ANKRD13C: variants seen among roughly 807,000 people sequenced by gnomAD.
ANKRD13C encodes the protein ankyrin repeat domain-containing protein 13C.
In ANKRD13C, 16 loss-of-function variants were observed where a neutral mutation model predicts 65.5. That is an observed-to-expected ratio of 0.24 (90% CI 0.17 to 0.37). ANKRD13C has a LOEUF of 0.37. ANKRD13C is among the 10% of genes least tolerant of loss of function. The pLI is 1.00. For synonymous variants in ANKRD13C, 235 were observed against 238.7 expected, an observed-to-expected ratio of 0.98 and a Z score of 0.14; for missense variants, 503 against 655.9, an observed-to-expected ratio of 0.77 and a Z score of 2.55.
intron 1 of ANKRD13C, 22 bp downstream of exon 1, chr1:70,353,957 G>C: frequency 1.3e-6 from 2 of 1,500,380 alleles, no homozygotes; most frequent in Non-Finnish European, 1.8e-6. Context: ...GAGAGAGGTG[G>C]AGAGGGGCTA....
chr1:70,284,726 G>T (rs563235317), intron 9 of ANKRD13C, among the ~76,000 whole-genome samples: 15 of 152,256 alleles, frequency 9.9e-5, no homozygotes, highest in African/African-American at 3.6e-4. Context: ...AATGGGCAAT[G>T]GCACTCACCT....
Position 70,354,304 on chromosome 1 carries a change from G to A in ANKRD13C, c.105C>T (p.Gly35=). 1 of 1,613,808 alleles carries A rather than the reference G, an allele frequency of 6.2e-7. No homozygotes were observed. Among genetic ancestry groups the A allele is most frequent in the Non-Finnish European group, 8.5e-7 (1 of 1,179,992 alleles). ...PGDEEAAAAL[G]GTFTRSRIGK... is the part of the protein sequence containing the mutation. ...CAATCCTGCTTCTGGTAAAGGTACC[G>A]CCGAGGGCAGCCGCCGCTTCCTCAT... Residue 35 remains glycine, a synonymous_variant, in exon 1 of 13, where the codon GGC becomes GGT. Transcript: ENST00000370944.
chr1:70,279,501 T>A (rs1057280722), intron 9 of ANKRD13C, among the ~76,000 whole-genome samples: 2 of 84,022 alleles, frequency 2.4e-5, no homozygotes, highest in Non-Finnish European at 5.9e-5. Context: ...TTTGAGCTAC[T>A]TTTTTTTTTT....
intron 1 of ANKRD13C, among the ~76,000 whole-genome samples, chr1:70,339,924 A>G (rs968959389): frequency 6.6e-6 from 1 of 150,720 alleles, no homozygotes; most frequent in Non-Finnish European, 1.5e-5. Flanking sequence ...ATCATGGCTC[A>G]CTGCAGCCTC....
chr1:70,291,389 T>TG (rs1335915125), intron 9 of ANKRD13C, among the ~76,000 whole-genome samples: 1 of 152,216 alleles, frequency 6.6e-6, no homozygotes, highest in African/African-American at 2.4e-5. Flanking sequence ...TTTGGAAATA[T>TG]AAAATTATAC....
intron 6 of ANKRD13C, among the ~76,000 whole-genome samples, chr1:70,302,963 G>A (rs1680442065): frequency 6.6e-6 from 1 of 152,164 alleles, no homozygotes; most frequent in South Asian, 2.1e-4. Flanking sequence ...ATAGGTGAAA[G>A]TGGTAGTGGG....
At chr1:70,294,530 G>C (rs1313947785) in intron 8 of ANKRD13C, among the ~76,000 whole-genome samples, 1 of 151,426 alleles carries the variant, frequency 6.6e-6, no homozygotes, top group East Asian at 1.9e-4. Context: ...AAGGCCTTAA[G>C]AGCAAAAACT....
chr1:70,322,398 G>A (rs926637014), intron 3 of ANKRD13C, among the ~76,000 whole-genome samples: 15 of 152,002 alleles, frequency 9.9e-5, no homozygotes, highest in African/African-American at 2.4e-4. Context: ...TATAAGCACC[G>A]AGCAATTATG....
chr1:70,353,878 A>C, intron 1 of ANKRD13C, 101 bp downstream of exon 1: 1 of 1,390,526 alleles, frequency 7.2e-7, no homozygotes, highest in South Asian at 1.8e-5. Flanking sequence ...GATGGGCAAA[A>C]AGAAGAGTCT....
At chr1:70,344,878 CACT>C (rs767968541) in intron 1 of ANKRD13C, among the ~76,000 whole-genome samples, 24 of 151,780 alleles carry the variant, frequency 1.6e-4, no homozygotes, top group African/African-American at 5.1e-4. Context: ...CTATAATACT[CACT>C]ACGTGTTAAT....
intron 12 of ANKRD13C, among the ~76,000 whole-genome samples, chr1:70,267,694 T>C (rs555822396): frequency 2.1e-4 from 32 of 152,308 alleles, no homozygotes; most frequent in Admixed American, 6.5e-4. Context: ...ATTTCTCTGT[T>C]TTCTTTTTCT....
At chr1:70,270,102 A>G (rs559645064) in intron 12 of ANKRD13C, among the ~76,000 whole-genome samples, 2 of 152,366 alleles carry the variant, frequency 1.3e-5, no homozygotes, top group Admixed American at 6.5e-5. Flanking sequence ...GAAATTAAAC[A>G]TTTAGGGCTG....
In ANKRD13C at chr1:70,342,636, T is replaced by C. The variant is rs1353922356; in HGVS notation, c.431-6537A>G. Among the ~76,000 whole-genome samples the C allele has an allele frequency of 2.0e-5, 3 of 152,080 alleles. No individual in the cohort carries two copies. In the East Asian group the frequency reaches 5.8e-4, roughly 29 times the overall value. ...TCAATAGTGGAAGAGGTAGCAATAG[T>C]GGAAGAGGTAGCAATAGTTCCCTTT... On this transcript the variant is annotated intron_variant, in intron 1 of 12. Coordinates refer to ENST00000370944, the MANE Select transcript of ANKRD13C (RefSeq NM_030816.5).
chr1:70,274,680 A>T, intron 11 of ANKRD13C, 40 bp downstream of exon 11: 1 of 1,412,942 alleles, frequency 7.1e-7, no homozygotes, highest in Non-Finnish European at 1.0e-6. Flanking sequence ...AGGGTTTAAT[A>T]GTTTCTTTCA....
chr1:70,341,801 T>A (rs1490058789), intron 1 of ANKRD13C, among the ~76,000 whole-genome samples: 1 of 152,144 alleles, frequency 6.6e-6, no homozygotes, highest in African/African-American at 2.4e-5. Context: ...TATTTTACTG[T>A]AGCAGGAAAG....
rs79544665 is a variant in ANKRD13C, at chr1:70,261,968, T to C, written c.*749A>G. ...AACTCAAGTTTAGAAAAAAAAAAAATAGAGGTTCTATGAAAGGAAGATTAG... is the reference window on the plus strand; with the variant it reads ...AACTCAAGTTTAGAAAAAAAAAAAACAGAGGTTCTATGAAAGGAAGATTAG... On this transcript the variant is annotated 3_prime_UTR_variant, in exon 13 of 13. Transcript: ENST00000370944. The C allele has an allele frequency of 6.8e-6, 1 of 147,198 alleles. No individual in the cohort carries two copies. The highest frequency in any genetic ancestry group is 2.5e-5 in the African/African-American group (1 of 39,874). The allele number at this position is 147,198 out of a possible 1,614,324, so 9.1% of individuals were successfully genotyped here.
chr1:70,270,709 C>T (rs1292357621), intron 12 of ANKRD13C, 147 bp downstream of exon 12: 2 of 592,990 alleles, frequency 3.4e-6, no homozygotes, highest in African/African-American at 1.9e-5. Flanking sequence ...CTCAGCTCAT[C>T]TCCTGCTGTG....
intron 2 of ANKRD13C, among the ~76,000 whole-genome samples, chr1:70,331,242 T>C (rs1312132218): frequency 1.3e-5 from 2 of 151,980 alleles, no homozygotes; most frequent in Non-Finnish European, 2.9e-5. Context: ...GGCTGAACAA[T>C]GATATAATGT....
chr1:70,310,591 A>G (rs11209605), intron 5 of ANKRD13C, among the ~76,000 whole-genome samples: 36,998 of 152,208 alleles, frequency 0.24, 5,024 homozygotes, highest in East Asian at 0.4. Flanking sequence ...GTTTATAACT[A>G]TAGATATATA....
Sources: allele counts gnomAD v4.1 joint callset (sites outside exome capture counted in the v4.1 genomes callset), GRCh38; gene constraint gnomAD v4.1.1; transcripts MANE v1.5; gene names NCBI Gene and HGNC (gene_info 2026-07-23, HGNC 2026-07-21).